POTEC: variants seen among roughly 807,000 people sequenced by gnomAD.
The protein encoded by POTEC is ANKRD26-like family B member 2.
In POTEC, 35 loss-of-function variants were observed where a neutral mutation model predicts 62.0. The ratio of observed to expected loss-of-function variants is 0.56; its 90% confidence interval spans 0.43 to 0.75. The LOEUF (loss-of-function observed/expected upper bound fraction) is 0.75. POTEC is among the 30% of genes least tolerant of loss of function. The pLI is 0.00. For missense variants in POTEC, 472 were observed against 655.9 expected (o/e 0.72, Z 3.06); for synonymous variants, 156 against 221.5 (o/e 0.70, Z 2.62).
At chr18:14,514,594 A>G (rs1162737073) in intron 9 of POTEC, among the ~76,000 whole-genome samples, 1 of 152,194 alleles carries the variant, frequency 6.6e-6, no homozygotes, top group Non-Finnish European at 1.5e-5. Flanking sequence ...TAGAACTTTG[A>G]ATTCATTTTA....
intron 9 of POTEC, among the ~76,000 whole-genome samples, chr18:14,514,976 A>G (rs1232399134): frequency 6.6e-6 from 1 of 152,236 alleles, no homozygotes; most frequent in Non-Finnish European, 1.5e-5. Flanking sequence ...ACAGCAAAAT[A>G]CCTAGGAATA....
At chr18:14,522,563 G>T (rs982257404) in intron 8 of POTEC, 143 bp from the exon 9 acceptor site, 1 of 1,298,178 alleles carries the variant, frequency 7.7e-7, no homozygotes, top group African/African-American at 1.5e-5. Context: ...CATATATACA[G>T]AACTATTACC....
At position 14,509,214 on chromosome 18, in the gene POTEC, A is replaced by C. The variant is rs1598474507; in HGVS notation, c.*2684T>G. 6.6e-6 allele frequency: 1 copy of C among 152,158 alleles called. No individual in the cohort carries two copies. 9.4% of individuals were successfully genotyped at this position (152,158 alleles called of 1,614,324 possible). On this transcript the variant is annotated 3_prime_UTR_variant, in exon 11 of 11. Coordinates refer to ENST00000358970, the MANE Select transcript of POTEC (RefSeq NM_001137671.2). ...AGGCAAAACAGCTGGGGTGTGGGCC[A>C]CGGGCCCCTGCTGACTGTGTGTGCT...
Position 14,511,780 on chromosome 18 carries a change from G to C in POTEC, c.*118C>G. The C allele has an allele frequency of 9.0e-7, 1 of 1,113,902 alleles. No individual in the cohort carries two copies. The highest frequency in any genetic ancestry group is 1.4e-6 in the Non-Finnish European group (1 of 740,674). 69.0% of individuals were successfully genotyped at this position (1,113,902 alleles called of 1,614,324 possible). A position where few individuals can be genotyped will look rare whatever the true frequency, so the allele number is the denominator to read the frequency against. On this transcript the variant is annotated 3_prime_UTR_variant, in exon 11 of 11. Coordinates refer to ENST00000358970, the MANE Select transcript of POTEC (RefSeq NM_001137671.2). The stretch of plus-strand genomic sequence containing the variant: ...CCACTGTACTTAAATATTGGTTTTC[G>C]TTAATGCTTCTTCATTCAATTGCAT...
In POTEC at chr18:14,543,574, C is replaced by A. The variant is rs1430985421; in HGVS notation, c.-428G>T. On this transcript the variant is annotated 5_prime_UTR_variant, in exon 1 of 11. Coordinates refer to ENST00000358970, the MANE Select transcript of POTEC (RefSeq NM_001137671.2). ...AGCGAGGAACGCAAAGCGAAGCGTA[C>A]CCGTTACAGGTAAGCCAAGCCGTTA... 5 of 304,642 alleles carry A rather than the reference C, an allele frequency of 1.6e-5. No homozygotes were observed. The highest frequency in any genetic ancestry group is 3.1e-5 in the Non-Finnish European group (5 of 162,806). The allele number at this position is 304,642 out of a possible 1,614,324, so 18.9% of individuals were successfully genotyped here. A position where few individuals can be genotyped will look rare whatever the true frequency, so the allele number is the denominator to read the frequency against.
Position 14,513,701 on chromosome 18 carries a change from T to C in POTEC, c.1494A>G (p.Gln498=). 1.2e-6 allele frequency: 2 copies of C among 1,611,606 alleles called. No individual in the cohort carries two copies. Among genetic ancestry groups the C allele is most frequent in the Non-Finnish European group, 8.5e-7 (1 of 1,179,696 alleles). The part of the protein sequence containing the change: ...ISQDEILTNK[Q]KQIEVAEKKM... The stretch of plus-strand genomic sequence containing the variant: ...TCTTTTCAGCCACTTCTATCTGCTT[T>C]TGTTTATTAGTCAGAATCTCATCTT... Residue 498 remains glutamine, a synonymous_variant, in exon 10 of 11, where the codon CAA becomes CAG. Transcript: ENST00000358970.
Position 14,518,964 on chromosome 18 carries a change from T to A in POTEC, c.1409+3290A>T, listed in dbSNP as rs1390032601. Among the ~76,000 whole-genome samples, 3 of 152,176 alleles carry A rather than the reference T, an allele frequency of 2.0e-5. No individual in the cohort carries two copies. In the East Asian group the frequency reaches 5.8e-4, roughly 29 times the overall value. ...CAATTTGACTTATGTTTTAAATACA[T>A]CCACTGAGTTAAGAATTGATGAAAA... On this transcript the variant is annotated intron_variant, in intron 9 of 10. Coordinates refer to ENST00000358970, the MANE Select transcript of POTEC (RefSeq NM_001137671.2).
Position 14,535,026 on chromosome 18 carries a change from CAA to C in POTEC, c.811-21_811-20del. Reference sequence around the variant, plus strand: ...GGCCACACTGTAAAACAATATAAAACAAAAACAATATGTAATTCAAAAAATTA... The same window carrying C: ...GGCCACACTGTAAAACAATATAAAACAAACAATATGTAATTCAAAAAATTA... On this transcript the variant is annotated intron_variant, in intron 3 of 10. Transcript: ENST00000358970. The C allele has an allele frequency of 6.3e-7, 1 of 1,584,986 alleles. No individual in the cohort carries two copies. Among genetic ancestry groups the C allele is most frequent in the African/African-American group, 1.4e-5 (1 of 73,366 alleles).
intron 3 of POTEC, among the ~76,000 whole-genome samples, chr18:14,536,657 C>T (rs1905722533): frequency 1.3e-5 from 2 of 152,114 alleles, no homozygotes; most frequent in Non-Finnish European, 2.9e-5. Flanking sequence ...GAATGCACAA[C>T]TCTAGCTGGA....
At chr18:14,525,070 C>T (rs1910402848) in intron 6 of POTEC, 87 bp from the exon 7 acceptor site, 1 of 1,535,826 alleles carries the variant, frequency 6.5e-7, no homozygotes, top group African/African-American at 1.4e-5. Context: ...TTGAAGACAG[C>T]ATTTTATTTT....
At chr18:14,523,406 T>A in intron 8 of POTEC, 57 bp downstream of exon 8, 1 of 1,416,172 alleles carries the variant, frequency 7.1e-7, no homozygotes, top group Admixed American at 1.9e-5. Context: ...TACACTTTGT[T>A]AAACAGCATA....
At chr18:14,521,221 A>G (rs1910299238) in intron 9 of POTEC, among the ~76,000 whole-genome samples, 1 of 152,158 alleles carries the variant, frequency 6.6e-6, no homozygotes, top group African/African-American at 2.4e-5. Context: ...ATAACTAGCA[A>G]TCTTGTTGCT....
At chr18:14,539,941 C>T (rs958413803) in intron 1 of POTEC, among the ~76,000 whole-genome samples, 3 of 151,942 alleles carry the variant, frequency 2.0e-5, no homozygotes, top group Admixed American at 2.0e-4. Context: ...TGTTTGATGA[C>T]TAAACGGATT....
intron 9 of POTEC, among the ~76,000 whole-genome samples, chr18:14,516,940 T>A (rs1910180653): frequency 6.6e-6 from 1 of 151,182 alleles, no homozygotes; most frequent in African/African-American, 2.4e-5. Context: ...GAGTAGAGTA[T>A]CACTACCATA....
chr18:14,538,060 A>G, intron 2 of POTEC, 75 bp downstream of exon 2: 2 of 1,546,766 alleles, frequency 1.3e-6, no homozygotes, highest in Non-Finnish European at 1.7e-6. Context: ...GTTATATTTA[A>G]ATGAGAAAAC....
intron 9 of POTEC, among the ~76,000 whole-genome samples, chr18:14,521,426 G>T (rs1237833099): frequency 6.6e-6 from 1 of 152,076 alleles, no homozygotes; most frequent in African/African-American, 2.4e-5. Context: ...TATTTTCTGG[G>T]TATGAAAATT....
intron 3 of POTEC, among the ~76,000 whole-genome samples, chr18:14,536,257 G>A (rs1186287803): frequency 6.9e-6 from 1 of 144,294 alleles, no homozygotes; most frequent in Non-Finnish European, 1.5e-5. Flanking sequence ...TAATGTTATT[G>A]GAAAGGAAAG....
chr18:14,523,157 T>C (rs535935803), intron 8 of POTEC, among the ~76,000 whole-genome samples: 1 of 150,118 alleles, frequency 6.7e-6, no homozygotes, highest in South Asian at 2.1e-4. Flanking sequence ...AGCCACATTA[T>C]CTAGTGATAA....
chr18:14,522,481 T>A (rs1910336945), intron 8 of POTEC, 61 bp from the exon 9 acceptor site: 8 of 1,495,062 alleles, frequency 5.4e-6, no homozygotes, highest in Non-Finnish European at 7.1e-6. Flanking sequence ...ATAACCTTTT[T>A]AATTGATTTT....
Sources: gnomAD v4.1 joint callset for allele counts (sites outside exome capture counted in the v4.1 genomes callset) on GRCh38, gnomAD v4.1.1 for gene constraint, MANE v1.5 for transcripts, NCBI Gene and HGNC (gene_info 2026-07-23, HGNC 2026-07-21) for gene names.